SRGAP2C: variants seen among roughly 807,000 people sequenced by gnomAD.
SRGAP2C encodes SLIT-ROBO Rho GTPase activating protein 2C.
SRGAP2C carries 15 observed loss-of-function variants against 25.1 expected under a neutral mutation model. The observed-to-expected ratio is 0.60, with a 90% CI of 0.40 to 0.92. The LOEUF (loss-of-function observed/expected upper bound fraction) is 0.92. Among genes scored for constraint, SRGAP2C ranks in the 40% least tolerant of loss-of-function variants. The pLI is 0.00. For synonymous variants in SRGAP2C, 44 were observed against 96.6 expected, an observed-to-expected ratio of 0.46 and a Z score of 3.19; for missense variants, 144 against 264.4, an observed-to-expected ratio of 0.54 and a Z score of 3.16.
intron 3 of SRGAP2C, among the ~76,000 whole-genome samples, chr1:121,305,295 C>T (rs1657804812): frequency 7.0e-6 from 1 of 143,410 alleles, no homozygotes; most frequent in Non-Finnish European, 1.5e-5. Context: ...TGATGTAAGA[C>T]CTTAGGATAA....
chr1:121,378,443 C>A (rs587747159), intron 7 of SRGAP2C, among the ~76,000 whole-genome samples: 1 of 149,648 alleles, frequency 6.7e-6, no homozygotes, highest in Non-Finnish European at 1.5e-5. Flanking sequence ...ATTAGTTTTG[C>A]CCATTGTAGA....
intron 3 of SRGAP2C, among the ~76,000 whole-genome samples, chr1:121,295,308 G>A (rs1397247858): frequency 1.3e-5 from 2 of 151,476 alleles, no homozygotes; most frequent in South Asian, 4.2e-4. Context: ...AACCACTGAT[G>A]GTTTAAATAG....
chr1:121,278,227 G>T (rs1460413656), intron 2 of SRGAP2C, among the ~76,000 whole-genome samples: 3 of 152,018 alleles, frequency 2.0e-5, no homozygotes, highest in East Asian at 1.9e-4. Flanking sequence ...GATTACAGGG[G>T]TGAGCCACTG....
At position 121,285,404 on chromosome 1, in the gene SRGAP2C, TCACA is replaced by T. The variant is rs1343653361; in HGVS notation, c.260+427_260+430del. Among the ~76,000 whole-genome samples, 9 of 124,492 alleles carry T rather than the reference TCACA, an allele frequency of 7.2e-5. 1 individual carries two copies. Among genetic ancestry groups the T allele is most frequent in the South Asian group, 2.6e-4 (1 of 3,784 alleles). The allele number at this position is 124,492 out of a possible 152,430, so 81.7% of individuals were successfully genotyped here. Reference sequence around the variant, plus strand: ...ATCTTAATCTCTGTCTCTCTCTCTCTCACACACACACACACACACACTCACACTC... The same window carrying T: ...ATCTTAATCTCTGTCTCTCTCTCTCTCACACACACACACACACTCACACTC... On this transcript the variant is annotated intron_variant, in intron 3 of 9. Coordinates refer to ENST00000367123, the MANE Select transcript of SRGAP2C (RefSeq NM_001329984.2).
intron 5 of SRGAP2C, among the ~76,000 whole-genome samples, chr1:121,366,987 G>T (rs1659342425): frequency 7.7e-6 from 1 of 129,156 alleles, no homozygotes; most frequent in Non-Finnish European, 1.7e-5. Context: ...GAGTGAGGAA[G>T]AAAACCTTGG....
chr1:121,226,297 C>T (rs1655666469), intron 2 of SRGAP2C, among the ~76,000 whole-genome samples: 1 of 139,978 alleles, frequency 7.1e-6, no homozygotes, highest in South Asian at 2.3e-4. Flanking sequence ...CTTAGAGCCT[C>T]ATTTCACCAC....
intron 3 of SRGAP2C, among the ~76,000 whole-genome samples, chr1:121,295,798 G>C (rs1255896947): frequency 3.1e-4 from 47 of 152,044 alleles, no homozygotes; most frequent in African/African-American, 1.1e-3. Flanking sequence ...TTTCGCTCTT[G>C]TTGCCCAGGC....
At chr1:121,237,576 G>A (rs1655989424) in intron 2 of SRGAP2C, among the ~76,000 whole-genome samples, 2 of 151,536 alleles carry the variant, frequency 1.3e-5, no homozygotes, top group Non-Finnish European at 2.9e-5. Flanking sequence ...CTACCTGGCT[G>A]CATCCAACAC....
At chr1:121,264,393 G>C (rs1656711900) in intron 2 of SRGAP2C, among the ~76,000 whole-genome samples, 1 of 123,558 alleles carries the variant, frequency 8.1e-6, no homozygotes, top group Admixed American at 8.6e-5. Flanking sequence ...CCCACTCTGT[G>C]TTCACATTAA....
chr1:121,285,859 A>C (rs1657352661), intron 3 of SRGAP2C, among the ~76,000 whole-genome samples: 1 of 151,600 alleles, frequency 6.6e-6, no homozygotes, highest in Admixed American at 6.6e-5. Flanking sequence ...GGTGATTCTA[A>C]TGAACAGCCA....
intron 3 of SRGAP2C, among the ~76,000 whole-genome samples, chr1:121,308,785 C>T (rs1570774626): frequency 6.8e-6 from 1 of 146,286 alleles, no homozygotes; most frequent in African/African-American, 2.5e-5. Flanking sequence ...CTAAAAAACA[C>T]AAAATTAGCC....
Position 121,387,888 on chromosome 1 carries a change from A to G in SRGAP2C, c.*33A>G, listed in dbSNP as rs2101685113. 1 of 775,538 alleles carries G rather than the reference A, an allele frequency of 1.3e-6. No individual in the cohort carries two copies. Among genetic ancestry groups the G allele is most frequent in the East Asian group, 2.4e-5 (1 of 41,100 alleles). 48.0% of individuals were successfully genotyped at this position (775,538 alleles called of 1,614,324 possible). A position where few individuals can be genotyped will look rare whatever the true frequency, so the allele number is the denominator to read the frequency against. ...CAGCATGCACTGCAGCACTCAAGGG[A>G]GATTTGGAACTCAGAGTCCTTGTTA... On this transcript the variant is annotated 3_prime_UTR_variant, in exon 10 of 10. Coordinates refer to ENST00000367123, the MANE Select transcript of SRGAP2C (RefSeq NM_001329984.2).
chr1:121,249,558 A>C (rs1351328818), intron 2 of SRGAP2C, among the ~76,000 whole-genome samples: 63 of 27,470 alleles, frequency 2.3e-3, no homozygotes, highest in Non-Finnish European at 4.7e-4. Context: ...ATATATATAT[A>C]TATATATATA....
chr1:121,390,820 C>T lies in SRGAP2C; in HGVS notation c.*2965C>T, dbSNP rs587647703. ...CTGTGGGAGCCTGAGGCGGGTGGGT[C>T]TCTTGAGGCCAGGAGTTCAAGACCA... On this transcript the variant is annotated 3_prime_UTR_variant, in exon 10 of 10. Coordinates refer to ENST00000367123, the MANE Select transcript of SRGAP2C (RefSeq NM_001329984.2). The T allele has an allele frequency of 6.6e-6, 1 of 152,018 alleles. No individual in the cohort carries two copies. The highest frequency in any genetic ancestry group is 6.5e-5 in the Admixed American group (1 of 15,270). The allele number at this position is 152,018 out of a possible 1,614,324, so 9.4% of individuals were successfully genotyped here.
chr1:121,313,795 A>G (rs1316024133), intron 3 of SRGAP2C, among the ~76,000 whole-genome samples: 118 of 129,582 alleles, frequency 9.1e-4, no homozygotes, highest in Admixed American at 2.1e-3. Context: ...CGAGAGATCC[A>G]CTGTTAGTCT....
intron 7 of SRGAP2C, among the ~76,000 whole-genome samples, chr1:121,378,941 C>T (rs1168749672): frequency 1.8e-4 from 27 of 152,304 alleles, no homozygotes; most frequent in Non-Finnish European, 2.4e-4. Context: ...GCCAAAAAGA[C>T]GTTCTGAGCT....
chr1:121,222,626 CAA>C (rs2101449835), intron 2 of SRGAP2C, among the ~76,000 whole-genome samples: 1 of 152,088 alleles, frequency 6.6e-6, no homozygotes, highest in African/African-American at 2.4e-5. Context: ...GACCCTGTCT[CAA>C]AAACAAGCTA....
intron 3 of SRGAP2C, among the ~76,000 whole-genome samples, chr1:121,306,729 GA>G (rs1183038057): frequency 1.4e-5 from 2 of 143,538 alleles, no homozygotes; most frequent in Non-Finnish European, 3.0e-5. Context: ...GTAACTGAAA[GA>G]AAAAAAGAAA....
intron 2 of SRGAP2C, among the ~76,000 whole-genome samples, chr1:121,198,317 C>A (rs1222714912): frequency 1.3e-5 from 2 of 148,416 alleles, no homozygotes; most frequent in East Asian, 2.0e-4. Context: ...TTTTTCTTAA[C>A]CATATCTTCT....
Sources: gnomAD v4.1 joint callset for allele counts (sites outside exome capture counted in the v4.1 genomes callset) on GRCh38, gnomAD v4.1.1 for gene constraint, MANE v1.5 for transcripts, NCBI Gene and HGNC (gene_info 2026-07-23, HGNC 2026-07-21) for gene names.